The following ATG14 variants were observed in gnomAD, a reference collection of about 807,000 sequenced individuals.
ATG14 encodes autophagy related 14, also known as beclin 1-associated autophagy-related key regulator.
A neutral mutation model predicts 60.4 loss-of-function variants in ATG14; 35 were observed. The observed-to-expected ratio is 0.58, with a 90% CI of 0.44 to 0.77. The LOEUF is 0.77. Ranked by LOEUF, ATG14 falls within the 30% of genes least tolerant of loss-of-function variation. The pLI is 0.00. For missense variants in ATG14, 647 were observed against 626.3 expected (o/e 1.03, Z -0.35); for synonymous variants, 234 against 228.8 (o/e 1.02, Z -0.21).
chr14:55,406,064 T>C (rs1423236899), intron 1 of ATG14, among the ~76,000 whole-genome samples: 1 of 152,182 alleles, frequency 6.6e-6, no homozygotes, highest in African/African-American at 2.4e-5. Context: ...TCTCAACTAA[T>C]CTGCCAAACT....
chr14:55,394,005 ATTTTTT>A (rs1300990357), intron 3 of ATG14, among the ~76,000 whole-genome samples: 1 of 138,922 alleles, frequency 7.2e-6, no homozygotes, highest in South Asian at 2.3e-4. Context: ...CAGTATCATA[ATTTTTT>A]TTTTTTTTTT....
rs144821779 is a variant in ATG14, at chr14:55,396,651, T to C, written c.285-669A>G. 2.8e-3 allele frequency among the ~76,000 whole-genome samples: 418 copies of C among 151,924 alleles called. 3 individuals are homozygous for C. The highest frequency in any genetic ancestry group is 9.6e-3 in the African/African-American group (396 of 41,372). ...GACAACCCTTTTAGAACCTTGAGAG[T>C]TGGGCAGGGCGTGCTCAGAGAAGAG... On this transcript the variant is annotated intron_variant, in intron 2 of 9. Coordinates refer to ENST00000247178, the MANE Select transcript of ATG14 (RefSeq NM_014924.5).
chr14:55,404,279 G>C (rs938554490), intron 1 of ATG14, among the ~76,000 whole-genome samples: 1 of 152,192 alleles, frequency 6.6e-6, no homozygotes, highest in Non-Finnish European at 1.5e-5. Context: ...TTACTAAAAA[G>C]ACACTCACTG....
At chr14:55,394,005 AT>A (rs1300990357) in intron 3 of ATG14, among the ~76,000 whole-genome samples, 7,880 of 138,872 alleles carry the variant, frequency 0.057, 219 homozygotes, top group South Asian at 0.084. Context: ...CAGTATCATA[AT>A]TTTTTTTTTT....
At chr14:55,409,561 T>TA (rs35648229) in intron 1 of ATG14, among the ~76,000 whole-genome samples, 5,878 of 147,008 alleles carry the variant, frequency 0.04, 149 homozygotes, top group Non-Finnish European at 0.061. Flanking sequence ...AGCAGGCACC[T>TA]AAAAAAAAAA....
At chr14:55,388,710 T>C (rs1470017209) in intron 4 of ATG14, among the ~76,000 whole-genome samples, 1 of 152,232 alleles carries the variant, frequency 6.6e-6, no homozygotes, top group Non-Finnish European at 1.5e-5. Context: ...CTCTTAAGCA[T>C]GAGTCCGAGC....
At chr14:55,404,449 G>A (rs140384674) in intron 1 of ATG14, among the ~76,000 whole-genome samples, 20 of 152,232 alleles carry the variant, frequency 1.3e-4, no homozygotes, top group African/African-American at 4.1e-4. Flanking sequence ...CCATCATCAC[G>A]TCAATTCAGT....
chr14:55,388,050 T>C (rs1033483667), intron 4 of ATG14, among the ~76,000 whole-genome samples: 1 of 152,060 alleles, frequency 6.6e-6, no homozygotes. Context: ...GGCAGGAGAA[T>C]TGCTTGAACC....
chr14:55,376,779 A>G (rs1176221869), intron 9 of ATG14, among the ~76,000 whole-genome samples: 1 of 152,170 alleles, frequency 6.6e-6, no homozygotes, highest in African/African-American at 2.4e-5. Context: ...ATATATAACC[A>G]TATCACATCT....
At chr14:55,391,024 G>A (rs1005937655) in intron 3 of ATG14, 32 bp from the exon 4 acceptor site, 8 of 1,497,188 alleles carry the variant, frequency 5.3e-6, no homozygotes, top group South Asian at 3.5e-5. Context: ...TATCACAAAC[G>A]TTGGTCTCTT....
At chr14:55,403,756 T>C (rs772381636) in intron 1 of ATG14, among the ~76,000 whole-genome samples, 1 of 152,180 alleles carries the variant, frequency 6.6e-6, no homozygotes, top group Non-Finnish European at 1.5e-5. Flanking sequence ...ATGCATAGGA[T>C]ATTGAGGACT....
At position 55,367,210 on chromosome 14, in the gene ATG14, A is replaced by T. The variant is rs1359189210; in HGVS notation, c.*2409T>A. On this transcript the variant is annotated 3_prime_UTR_variant, in exon 10 of 10. Transcript: ENST00000247178. Reference sequence around the variant, plus strand: ...AAACCATGACTGTTGTGCATCTCTCAGCTGAAGTCAGTCTCCACCACCAAG... The same window carrying T: ...AAACCATGACTGTTGTGCATCTCTCTGCTGAAGTCAGTCTCCACCACCAAG... 1 of 152,220 alleles carries T rather than the reference A, an allele frequency of 6.6e-6. No homozygotes were observed. The highest frequency in any genetic ancestry group is 6.5e-5 in the Admixed American group (1 of 15,282). 9.4% of individuals were successfully genotyped at this position (152,220 alleles called of 1,614,324 possible). A position where few individuals can be genotyped will look rare whatever the true frequency, so the allele number is the denominator to read the frequency against.
At chr14:55,377,324 G>A (rs973417705) in intron 9 of ATG14, among the ~76,000 whole-genome samples, 7 of 152,114 alleles carry the variant, frequency 4.6e-5, no homozygotes, top group African/African-American at 1.7e-4. Flanking sequence ...TCTAGCCTGG[G>A]TGACAAGGGT....
chr14:55,406,369 T>C (rs1001014959), intron 1 of ATG14, among the ~76,000 whole-genome samples: 1 of 152,210 alleles, frequency 6.6e-6, no homozygotes, highest in Non-Finnish European at 1.5e-5. Context: ...AGGTTCCAGA[T>C]TTTATTAACA....
At chr14:55,403,207 A>T (rs887838683) in intron 1 of ATG14, among the ~76,000 whole-genome samples, 4 of 152,028 alleles carry the variant, frequency 2.6e-5, no homozygotes, top group Admixed American at 6.6e-5. Flanking sequence ...TAAAGGGATT[A>T]AAAAAATGTG....
At chr14:55,406,267 C>G (rs1673223777) in intron 1 of ATG14, among the ~76,000 whole-genome samples, 1 of 152,096 alleles carries the variant, frequency 6.6e-6, no homozygotes, top group African/African-American at 2.4e-5. Context: ...CTTTGATATG[C>G]ATTATCACAT....
intron 3 of ATG14, among the ~76,000 whole-genome samples, chr14:55,393,190 G>A (rs541162585): frequency 6.6e-6 from 1 of 151,918 alleles, no homozygotes; most frequent in African/African-American, 2.4e-5. Context: ...GACCATCCTG[G>A]CTAACACGGT....
rs1480422068 is a variant in ATG14 at position 55,377,852 on chromosome 14, T to C, written c.1139A>G (p.Tyr380Cys). Residue 380 changes from tyrosine (Y) to cysteine (C), a missense_variant, in exon 9 of 10, where the codon TAC becomes TGC. By Grantham distance (194) the Tyr-to-Cys change is radical. Transcript: ENST00000247178. Reference sequence around the variant, plus strand: ...GTGTTCAGAGCTTGGACTGACCAGGTACATTAGATTCCTGAGGGTATGCAG... The same window carrying C: ...GTGTTCAGAGCTTGGACTGACCAGGCACATTAGATTCCTGAGGGTATGCAG... ...QPLHTLRNLMYLVSPSSEHLG... is the reference protein window; with the variant it reads ...QPLHTLRNLMCLVSPSSEHLG... 5.0e-6 allele frequency: 8 copies of C among 1,601,908 alleles called. No homozygotes were observed. In the Admixed American group the frequency reaches 1.4e-4, roughly 28 times the overall value.
At chr14:55,388,846 G>A (rs1484634252) in intron 4 of ATG14, among the ~76,000 whole-genome samples, 1 of 152,210 alleles carries the variant, frequency 6.6e-6, no homozygotes, top group Admixed American at 6.5e-5. Context: ...ACCACCTGGA[G>A]TAGTGCTATT....
Sources: gnomAD v4.1 joint callset for allele counts (sites outside exome capture counted in the v4.1 genomes callset) on GRCh38, gnomAD v4.1.1 for gene constraint, MANE v1.5 for transcripts, NCBI Gene and HGNC (gene_info 2026-07-23, HGNC 2026-07-21) for gene names.